Variants in CCDC60 observed in about 807,000 individuals in gnomAD.
CCDC60 encodes the protein coiled-coil domain-containing protein 60.
CCDC60 carries 54 observed loss-of-function variants against 63.5 expected under a neutral mutation model. The ratio of observed to expected loss-of-function variants is 0.85; its 90% CI spans 0.68 to 1.07. CCDC60 has a LOEUF of 1.07. Among genes scored for constraint, CCDC60 ranks in the 50% least tolerant of loss-of-function variants. The pLI is 0.00. For missense variants in CCDC60, 651 were observed against 684.3 expected, an observed-to-expected ratio of 0.95 and a Z score of 0.54; for synonymous variants, 206 against 238.8, an observed-to-expected ratio of 0.86 and a Z score of 1.27.
intron 1 of CCDC60, among the ~76,000 whole-genome samples, chr12:119,355,378 T>A (rs1241680033): frequency 6.6e-6 from 1 of 152,040 alleles, no homozygotes; most frequent in Non-Finnish European, 1.5e-5. Flanking sequence ...CCTAACTCTG[T>A]GCGGTTCCAC....
intron 2 of CCDC60, among the ~76,000 whole-genome samples, chr12:119,440,085 G>A (rs1201565172): frequency 2.6e-5 from 4 of 152,088 alleles, no homozygotes; most frequent in Admixed American, 6.5e-5. Flanking sequence ...CGGGGATGGA[G>A]AGCATTAGGA....
intron 3 of CCDC60, among the ~76,000 whole-genome samples, chr12:119,477,032 C>A (rs185895641): frequency 6.6e-6 from 1 of 152,342 alleles, no homozygotes; most frequent in East Asian, 1.9e-4. Flanking sequence ...GAGTAAGGCT[C>A]AGAGGGGCAG....
intron 5 of CCDC60, among the ~76,000 whole-genome samples, chr12:119,491,550 G>A (rs1238151944): frequency 7.9e-5 from 12 of 151,892 alleles, no homozygotes; most frequent in South Asian, 4.1e-4. Context: ...GGATGGTCTC[G>A]ATCTCCTGAC....
intron 1 of CCDC60, among the ~76,000 whole-genome samples, chr12:119,370,235 G>A (rs1040229789): frequency 6.6e-6 from 1 of 152,178 alleles, no homozygotes; most frequent in East Asian, 1.9e-4. Flanking sequence ...ATGAATTAAG[G>A]AAAGCATATC....
At chr12:119,364,734 CAG>C (rs1384401101) in intron 1 of CCDC60, among the ~76,000 whole-genome samples, 1 of 152,228 alleles carries the variant, frequency 6.6e-6, no homozygotes, top group East Asian at 1.9e-4. Context: ...CCGCTGGGAA[CAG>C]AGCACAGAGG....
At chr12:119,435,330 A>AG (rs1407447363) in intron 2 of CCDC60, among the ~76,000 whole-genome samples, 1 of 152,160 alleles carries the variant, frequency 6.6e-6, no homozygotes, top group Non-Finnish European at 1.5e-5. Context: ...TGAATAAGTG[A>AG]GGGGGCTTAT....
At chr12:119,372,840 T>G (rs1955911310) in intron 1 of CCDC60, among the ~76,000 whole-genome samples, 1 of 152,168 alleles carries the variant, frequency 6.6e-6, no homozygotes, top group African/African-American at 2.4e-5. Context: ...ACTTTCACTC[T>G]TCCTTGTTTA....
At chr12:119,481,295 C>G (rs572873185) in intron 4 of CCDC60, among the ~76,000 whole-genome samples, 12 of 152,314 alleles carry the variant, frequency 7.9e-5, no homozygotes, top group African/African-American at 2.9e-4. Context: ...CTCATGATGT[C>G]TCTTCAGTAC....
At chr12:119,520,934 C>T (rs1428687134) in intron 9 of CCDC60, among the ~76,000 whole-genome samples, 1 of 152,170 alleles carries the variant, frequency 6.6e-6, no homozygotes, top group Non-Finnish European at 1.5e-5. Context: ...CACAGCCTGC[C>T]CTCATGGATC....
chr12:119,522,765 G>A (rs1952562370), intron 9 of CCDC60, among the ~76,000 whole-genome samples, 174 bp from the exon 10 acceptor site: 1 of 152,194 alleles, frequency 6.6e-6, no homozygotes, highest in Non-Finnish European at 1.5e-5. Flanking sequence ...GATATGGCAT[G>A]AGGAAAGGCC....
At chr12:119,406,657 A>T (rs1177679245) in intron 1 of CCDC60, among the ~76,000 whole-genome samples, 40 of 152,108 alleles carry the variant, frequency 2.6e-4, no homozygotes, top group Admixed American at 2.6e-3. Context: ...ATGAATACAA[A>T]ACATAATAAA....
chr12:119,480,682 C>T (rs760338842), intron 4 of CCDC60, among the ~76,000 whole-genome samples: 4 of 123,524 alleles, frequency 3.2e-5, no homozygotes, highest in African/African-American at 6.2e-5. Context: ...CACCATCATC[C>T]TCACCACCAT....
chr12:119,398,226 T>TGCGG (rs1256332040), intron 1 of CCDC60, among the ~76,000 whole-genome samples: 15 of 151,056 alleles, frequency 9.9e-5, no homozygotes, highest in African/African-American at 3.7e-4. Flanking sequence ...TTGAGTGCGG[T>TGCGG]GCGGGCAGGC....
At chr12:119,490,567 CT>C (rs112924881) in intron 5 of CCDC60, among the ~76,000 whole-genome samples, 62 of 146,512 alleles carry the variant, frequency 4.2e-4, no homozygotes, top group Admixed American at 4.1e-4. Flanking sequence ...CCTTCTTCTT[CT>C]TTTTTTTTTT....
At chr12:119,395,662 A>G (rs921029016) in intron 1 of CCDC60, among the ~76,000 whole-genome samples, 2 of 152,248 alleles carry the variant, frequency 1.3e-5, no homozygotes, top group Non-Finnish European at 2.9e-5. Flanking sequence ...GTTTCACTCT[A>G]TAGAAAGATG....
chr12:119,524,231 AT>A (rs562464690), intron 11 of CCDC60, among the ~76,000 whole-genome samples: 371 of 152,290 alleles, frequency 2.4e-3, no homozygotes, highest in African/African-American at 8.7e-3. Context: ...CAGAAGGGAC[AT>A]GGAGAATTTG....
rs772680383 is a variant in CCDC60 at position 119,528,724 on chromosome 12, G to A, written c.1339G>A (p.Ala447Thr). The A allele has an allele frequency of 1.2e-6, 2 of 1,613,774 alleles. No homozygotes were observed. The highest frequency in any genetic ancestry group is 1.7e-6 in the Non-Finnish European group (2 of 1,179,832). The change falls in exon 12 of 14, where the codon GCA becomes ACA. Residue 447 changes from alanine to threonine, a missense_variant. Transcript: ENST00000327554. ...TCACATATCTGTAGTAAAAGGAGAT[G>A]CAGAAGAAATTGCAGACCACTGGTA... The part of the protein sequence containing the change: ...RHHISVVKGD[A>T]EEIADHWYFD...
intron 5 of CCDC60, among the ~76,000 whole-genome samples, chr12:119,491,658 A>T (rs2136385355): frequency 6.6e-6 from 1 of 152,002 alleles, no homozygotes; most frequent in East Asian, 1.9e-4. Flanking sequence ...CCCAGTTACA[A>T]GTGTTTCTGT....
chr12:119,419,083 C>G (rs1392836510), intron 1 of CCDC60, among the ~76,000 whole-genome samples: 1 of 152,262 alleles, frequency 6.6e-6, no homozygotes, highest in Non-Finnish European at 1.5e-5. Context: ...TGGGCTCAAT[C>G]AAGCAATCTT....
Sources: allele counts gnomAD v4.1 joint callset (sites outside exome capture counted in the v4.1 genomes callset), GRCh38; gene constraint gnomAD v4.1.1; transcripts MANE v1.5; gene names NCBI Gene and HGNC (gene_info 2026-07-23, HGNC 2026-07-21).